Variants in RYR2 observed in about 807,000 individuals in gnomAD.
The protein encoded by RYR2 is cardiac muscle ryanodine receptor-calcium release channel.
RYR2 carries 227 observed loss-of-function variants against 601.1 expected under a neutral mutation model. That is an observed-to-expected ratio of 0.38 (90% CI 0.34 to 0.42). The LOEUF (loss-of-function observed/expected upper bound fraction) is 0.42. RYR2 is among the 10% of genes least tolerant of loss of function. The pLI is 1.00. For missense variants in RYR2, 4,646 were observed against 6,156.5 expected, an observed-to-expected ratio of 0.75 and a Z score of 8.21; for synonymous variants, 2,223 against 2,175.1, an observed-to-expected ratio of 1.02 and a Z score of -0.61.
At chr1:237,750,445 T>C (rs1338466255) in intron 80 of RYR2, among the ~76,000 whole-genome samples, 3 of 151,572 alleles carry the variant, frequency 2.0e-5, no homozygotes, top group Middle Eastern at 6.8e-3. Flanking sequence ...TAAATGTAAA[T>C]TACATAAATA....
chr1:237,662,595 TA>T (rs1454125423), intron 56 of RYR2, among the ~76,000 whole-genome samples: 1 of 152,108 alleles, frequency 6.6e-6, no homozygotes, highest in Non-Finnish European at 1.5e-5. Flanking sequence ...CCACTGCCCT[TA>T]ATAACAAAAA....
chr1:237,348,662 A>C (rs78255666), intron 3 of RYR2, among the ~76,000 whole-genome samples: 5,488 of 152,306 alleles, frequency 0.036, 152 homozygotes, highest in Non-Finnish European at 0.056. Flanking sequence ...GCTTGTATAC[A>C]AATTTTAACA....
At chr1:237,421,499 GT>G (rs1705568880) in intron 11 of RYR2, among the ~76,000 whole-genome samples, 1 of 152,074 alleles carries the variant, frequency 6.6e-6, no homozygotes, top group African/African-American at 2.4e-5. Context: ...ACAAATTCAT[GT>G]GAAAATGAAC....
At chr1:237,138,525 G>A (rs1357078567) in intron 1 of RYR2, among the ~76,000 whole-genome samples, 1 of 151,938 alleles carries the variant, frequency 6.6e-6, no homozygotes, top group Non-Finnish European at 1.5e-5. Context: ...AAAATAAGTG[G>A]GAAATTTTTT....
chr1:237,215,044 T>C (rs1683012343), intron 1 of RYR2, among the ~76,000 whole-genome samples: 1 of 152,196 alleles, frequency 6.6e-6, no homozygotes, highest in Non-Finnish European at 1.5e-5. Context: ...TGAGGATCTT[T>C]ATGGTTTAAA....
At chr1:237,539,185 A>G (rs1028390837) in intron 25 of RYR2, among the ~76,000 whole-genome samples, 5 of 152,240 alleles carry the variant, frequency 3.3e-5, no homozygotes, top group Non-Finnish European at 7.3e-5. Context: ...AATCTTGATA[A>G]GAACCAGTAT....
intron 27 of RYR2, among the ~76,000 whole-genome samples, chr1:237,559,332 C>T (rs1671222907): frequency 6.6e-6 from 1 of 152,026 alleles, no homozygotes; most frequent in Non-Finnish European, 1.5e-5. Flanking sequence ...AACCAACGGC[C>T]CCTCAATCAT....
intron 1 of RYR2, among the ~76,000 whole-genome samples, chr1:237,228,270 C>G (rs1484364684): frequency 6.6e-6 from 1 of 152,190 alleles, no homozygotes; most frequent in Non-Finnish European, 1.5e-5. Flanking sequence ...ATAATAGTCT[C>G]CAGTTCCATC....
chr1:237,288,511 G>A (rs1004280603), intron 2 of RYR2, among the ~76,000 whole-genome samples: 9 of 152,018 alleles, frequency 5.9e-5, no homozygotes, highest in African/African-American at 2.2e-4. Flanking sequence ...GTGGGGGTGA[G>A]ATACCTAGGT....
At position 237,639,171 on chromosome 1, in the gene RYR2, C is replaced by A. The variant is rs1163930119; in HGVS notation, c.7085C>A (p.Pro2362His). Residue 2362 changes from proline (P) to histidine (H), a missense_variant, in exon 46 of 105, where the codon CCC becomes CAC. By Grantham distance (77) the Pro-to-His change is moderately conservative. Around this residue, in one of 17 missense-constraint regions of RYR2, gnomAD observed 1,497 missense variants for 1,842.6 expected, o/e 0.81. Transcript: ENST00000366574. ...GCCGAGGATCCTTCCCGAGATGGTC[C>A]CTCACCAAATAGCGGATCCAGTAAA... ...KIAEDPSRDG[P>H]SPNSGSSKTL... 6.2e-7 allele frequency: 1 copy of A among 1,613,574 alleles called. No homozygotes were observed. Among genetic ancestry groups the A allele is most frequent in the Non-Finnish European group, 8.5e-7 (1 of 1,179,668 alleles).
At chr1:237,556,230 C>G (rs895046768) in intron 27 of RYR2, among the ~76,000 whole-genome samples, 1 of 151,178 alleles carries the variant, frequency 6.6e-6, no homozygotes, top group South Asian at 2.1e-4. Context: ...AACATATGCT[C>G]CACTTCATTT....
chr1:237,623,627 C>T (rs549349358), intron 38 of RYR2, 138 bp from the exon 39 acceptor site: 13 of 576,062 alleles, frequency 2.3e-5, no homozygotes, highest in African/African-American at 1.1e-4. Context: ...ATCCTGACCT[C>T]GTGATCTGCC....
chr1:237,356,763 C>T (rs1427852075), intron 4 of RYR2, among the ~76,000 whole-genome samples: 2 of 152,156 alleles, frequency 1.3e-5, no homozygotes, highest in African/African-American at 4.8e-5. Flanking sequence ...ATACTTAACA[C>T]ACCAGGATTC....
chr1:237,208,423 A>T (rs932950263), intron 1 of RYR2, among the ~76,000 whole-genome samples: 10 of 152,148 alleles, frequency 6.6e-5, no homozygotes, highest in Admixed American at 6.5e-5. Flanking sequence ...GTTCCATGTG[A>T]TTTCCTTTGA....
chr1:237,416,005 A>C (rs189175741), intron 10 of RYR2, among the ~76,000 whole-genome samples: 18 of 152,342 alleles, frequency 1.2e-4, no homozygotes, highest in African/African-American at 3.8e-4. Context: ...TCCACAATAA[A>C]GATAGAATGA....
intron 1 of RYR2, among the ~76,000 whole-genome samples, chr1:237,099,739 A>G (rs1667873915): frequency 6.6e-6 from 1 of 152,226 alleles, no homozygotes; most frequent in African/African-American, 2.4e-5. Flanking sequence ...TTTAGTGTTT[A>G]TTTGGGGCAG....
intron 1 of RYR2, among the ~76,000 whole-genome samples, chr1:237,206,369 G>T (rs60763927): frequency 6.6e-6 from 1 of 152,024 alleles, no homozygotes; most frequent in South Asian, 2.1e-4. Context: ...GTTACTTTAG[G>T]TACCATTTAT....
intron 34 of RYR2, among the ~76,000 whole-genome samples, chr1:237,601,665 A>G (rs1037168871): frequency 6.6e-6 from 1 of 152,206 alleles, no homozygotes; most frequent in Non-Finnish European, 1.5e-5. Flanking sequence ...TCATTACACA[A>G]TGTATGCAAG....
intron 10 of RYR2, among the ~76,000 whole-genome samples, chr1:237,413,381 A>G (rs1704627611): frequency 6.6e-6 from 1 of 152,192 alleles, no homozygotes; most frequent in Non-Finnish European, 1.5e-5. Context: ...TAAAATTTTA[A>G]TAAAAATACC....
Sources: gnomAD v4.1 joint callset for allele counts (sites outside exome capture counted in the v4.1 genomes callset) on GRCh38, gnomAD v4.1.1 for gene constraint, gnomAD v4.1.1 regional missense constraint, MANE v1.5 for transcripts, NCBI Gene and HGNC (gene_info 2026-07-23, HGNC 2026-07-21) for gene names.